Variants in TMEM239 observed in about 807,000 individuals in gnomAD.
TMEM239 encodes transmembrane protein 239.
TMEM239 carries 10 observed loss-of-function variants against 14.6 expected under a neutral mutation model. The ratio of observed to expected loss-of-function variants is 0.68; its 90% CI spans 0.42 to 1.16. TMEM239 has a LOEUF of 1.16. TMEM239 is among the 50% of genes most tolerant of loss of function. The probability of loss-of-function intolerance (pLI) is 0.00; values close to 1 mark genes in which losing one functional copy is unlikely to be tolerated. For missense variants in TMEM239, 183 were observed against 194.4 expected, an observed-to-expected ratio of 0.94 and a Z score of 0.35; for synonymous variants, 94 against 89.9, an observed-to-expected ratio of 1.05 and a Z score of -0.26.
In TMEM239 at chr20:2,817,236, C is replaced by G. The variant is rs1014562856; in HGVS notation, c.*223C>G. On this transcript the variant is annotated 3_prime_UTR_variant, in exon 2 of 2. Coordinates refer to ENST00000380585, the MANE Select transcript of TMEM239 (RefSeq NM_001167670.3). ...GGGGCTTTGAGAAGAGGGGGCAAGA[C>G]AGATGGCTTAGCCATTGGTGAAAAT... 6 of 632,416 alleles carry G rather than the reference C, an allele frequency of 9.5e-6. No homozygotes were observed. Among genetic ancestry groups the G allele is most frequent in the Admixed American group, 8.9e-5 (3 of 33,850 alleles). The allele number at this position is 632,416 out of a possible 1,614,324, so 39.2% of individuals were successfully genotyped here.
chr20:2,815,882 C>A, upstream of TMEM239: 1 of 908,384 alleles, frequency 1.1e-6, no homozygotes, highest in Non-Finnish European at 1.7e-6. Context: ...ATACCCCTTT[C>A]TTCCCAGCCT....
At position 2,817,337 on chromosome 20, in the gene TMEM239, TTGGC is replaced by T; in HGVS notation, c.*325_*328del. The T allele has an allele frequency of 1.0e-4, 51 of 501,818 alleles. No homozygotes were observed. Among genetic ancestry groups the T allele is most frequent in the Admixed American group, 3.2e-4 (9 of 27,994 alleles). 31.1% of individuals were successfully genotyped at this position (501,818 alleles called of 1,614,324 possible). On this transcript the variant is annotated 3_prime_UTR_variant, in exon 2 of 2. Coordinates refer to ENST00000380585, the MANE Select transcript of TMEM239 (RefSeq NM_001167670.3). ...ATGTGATGATACCCGTGGGGCCCCCTTGGCAACTGACAGCATCTTTTTCTCATAG... is the reference window on the plus strand; with the variant it reads ...ATGTGATGATACCCGTGGGGCCCCCTAACTGACAGCATCTTTTTCTCATAG...
At position 2,816,998 on chromosome 20, in the gene TMEM239, G is replaced by A. The variant is rs6115683; in HGVS notation, c.444G>A (p.Gln148=). The change falls in exon 2 of 2, where the codon CAG becomes CAA. Residue 148 remains glutamine, a synonymous_variant. Transcript: ENST00000380585. ...LTSMTHPGDT[Q]DLDQ ...CCATGACTCACCCAGGCGACACTCAGGATTTGGATCAATAGAAGGGCAACC... is the reference window on the plus strand; with the variant it reads ...CCATGACTCACCCAGGCGACACTCAAGATTTGGATCAATAGAAGGGCAACC... 1.3e-6 allele frequency: 2 copies of A among 1,537,946 alleles called. No individual in the cohort carries two copies. The highest frequency in any genetic ancestry group is 2.4e-5 in the South Asian group (2 of 84,062).
rs148640817 is a variant in TMEM239, at chr20:2,817,197, G to A, written c.*184G>A. On this transcript the variant is annotated 3_prime_UTR_variant, in exon 2 of 2. Coordinates refer to ENST00000380585, the MANE Select transcript of TMEM239 (RefSeq NM_001167670.3). ...CCTCAAGTCAATGCTGCAGGTTCCT[G>A]GTGTGAGGGGCTGGGGGCTTTGAGA... is the stretch of plus-strand genomic sequence containing the variant. The A allele has an allele frequency of 2.8e-3, 2,123 of 746,124 alleles. 3 individuals carry two copies. The highest frequency in any genetic ancestry group is 4.3e-3 in the Middle Eastern group (12 of 2,790). 46.2% of individuals were successfully genotyped at this position (746,124 alleles called of 1,614,324 possible). A position where few individuals can be genotyped will look rare whatever the true frequency, so the allele number is the denominator to read the frequency against.
At position 2,817,036 on chromosome 20, in the gene TMEM239, C is replaced by T; in HGVS notation, c.*23C>T. ...TAGAAGGGCAACCCCATCCCACTGCCTGTGTCTGTTGAGCCCTGGCCTAGG... is the reference window on the plus strand; with the variant it reads ...TAGAAGGGCAACCCCATCCCACTGCTTGTGTCTGTTGAGCCCTGGCCTAGG... On this transcript the variant is annotated 3_prime_UTR_variant, in exon 2 of 2. Coordinates refer to ENST00000380585, the MANE Select transcript of TMEM239 (RefSeq NM_001167670.3). 6.5e-7 allele frequency: 1 copy of T among 1,537,570 alleles called. No homozygotes were observed. Among genetic ancestry groups the T allele is most frequent in the Non-Finnish European group, 8.7e-7 (1 of 1,146,854 alleles).
downstream of TMEM239, chr20:2,819,916 T>C (rs1262325992): frequency 6.6e-6 from 1 of 152,204 alleles, no homozygotes; most frequent in Non-Finnish European, 1.5e-5. Flanking sequence ...TGATACATTG[T>C]ACCCTGTTTG....
chr20:2,816,578 G>A lies in TMEM239; in HGVS notation c.24G>A (p.Glu8=), dbSNP rs2088674630. The A allele has an allele frequency of 6.5e-7, 1 of 1,535,042 alleles. No individual in the cohort carries two copies. Among genetic ancestry groups the A allele is most frequent in the African/African-American group, 1.4e-5 (1 of 72,654 alleles). Residue 8 remains glutamate (E), a synonymous_variant, in exon 2 of 2, where the codon GAG becomes GAA. Transcript: ENST00000380585. The part of the protein sequence containing the change: MMQQPRV[E]TDTIGAGEGP... ...ACATGATGCAGCAGCCGCGAGTGGA[G>A]ACAGATACCATCGGGGCTGGCGAGG...
At position 2,817,228 on chromosome 20, in the gene TMEM239, G is replaced by T. The variant is rs1029152178; in HGVS notation, c.*215G>T. ...AGGGGCTGGGGGCTTTGAGAAGAGGGGGCAAGACAGATGGCTTAGCCATTG... is the reference window on the plus strand; with the variant it reads ...AGGGGCTGGGGGCTTTGAGAAGAGGTGGCAAGACAGATGGCTTAGCCATTG... On this transcript the variant is annotated 3_prime_UTR_variant, in exon 2 of 2. Transcript: ENST00000380585. 3 of 646,890 alleles carry T rather than the reference G, an allele frequency of 4.6e-6. No individual in the cohort carries two copies. Among genetic ancestry groups the T allele is most frequent in the Middle Eastern group, 4.1e-4 (1 of 2,430 alleles). 40.1% of individuals were successfully genotyped at this position (646,890 alleles called of 1,614,324 possible). A position where few individuals can be genotyped will look rare whatever the true frequency, so the allele number is the denominator to read the frequency against.
chr20:2,816,659 C>G lies in TMEM239; in HGVS notation c.105C>G (p.Arg35=). The G allele has an allele frequency of 6.5e-7, 1 of 1,542,254 alleles. No homozygotes were observed. Among genetic ancestry groups the G allele is most frequent in the Non-Finnish European group, 8.7e-7 (1 of 1,146,206 alleles). ...SAWVTRHGWV[R]WWVSHMPPSW... is the part of the protein sequence containing the mutation. ...GGGTCACGAGGCATGGCTGGGTGCG[C>G]TGGTGGGTGAGCCACATGCCCCCGA... is the stretch of plus-strand genomic sequence containing the variant. The change falls in exon 2 of 2, where the codon CGC becomes CGG. Residue 35 remains arginine, a synonymous_variant. Coordinates refer to ENST00000380585, the MANE Select transcript of TMEM239 (RefSeq NM_001167670.3).
chr20:2,816,417 T>C lies in TMEM239; in HGVS notation c.-12+2T>C. ...CATGACTTAGGTAACTGCCCAGAGG[T>C]AAGTCCCAGTCCCTAATTCTGTAGC... On this transcript the variant is annotated splice_donor_variant, in intron 1 of 1. Transcript: ENST00000380585. LOFTEE classifies it low-confidence loss of function (5UTR_SPLICE). 1 of 1,535,398 alleles carries C rather than the reference T, an allele frequency of 6.5e-7. No homozygotes were observed. Among genetic ancestry groups the C allele is most frequent in the Non-Finnish European group, 8.7e-7 (1 of 1,146,728 alleles).
rs2088692684 is a variant in TMEM239, at chr20:2,817,567, G to C, written c.*554G>C. 3 of 159,972 alleles carry C rather than the reference G, an allele frequency of 1.9e-5. No homozygotes were observed. The highest frequency in any genetic ancestry group is 4.1e-5 in the Non-Finnish European group (3 of 72,782). 9.9% of individuals were successfully genotyped at this position (159,972 alleles called of 1,614,324 possible). On this transcript the variant is annotated 3_prime_UTR_variant, in exon 2 of 2. Coordinates refer to ENST00000380585, the MANE Select transcript of TMEM239 (RefSeq NM_001167670.3). ...TCAACTCACTCGCTCTCCAAACCTT[G>C]CAGCCCACGCATCCTCCTCCCTAGA...
At chr20:2,819,113 A>G (rs1383524730), downstream of TMEM239, 1 of 152,326 alleles carries the variant, frequency 6.6e-6, no homozygotes, top group Non-Finnish European at 1.5e-5. Context: ...AGGATTCAGG[A>G]TCCCATGTGG....
At chr20:2,819,741 A>C (rs2088707630), downstream of TMEM239, 1 of 151,916 alleles carries the variant, frequency 6.6e-6, no homozygotes, top group South Asian at 2.1e-4. Flanking sequence ...GAGTCCGACA[A>C]ACTTTTGTAT....
downstream of TMEM239, chr20:2,819,251 C>A (rs58625759): frequency 0.16 from 24,046 of 152,292 alleles, 2,387 homozygotes; most frequent in East Asian, 0.27. Flanking sequence ...GGGGCCCTGA[C>A]CAGATGCTCT....
At position 2,817,803 on chromosome 20, in the gene TMEM239, G is replaced by A. The variant is rs2088695384; in HGVS notation, c.*790G>A. ...CGTGGGCCACTTCTGTCATGGGGTT[G>A]TTGTGAGTCAAAGACAATATCTATT... On this transcript the variant is annotated 3_prime_UTR_variant, in exon 2 of 2. Transcript: ENST00000380585. 6.6e-6 allele frequency: 1 copy of A among 152,396 alleles called. No individual in the cohort carries two copies. Among genetic ancestry groups the A allele is most frequent in the Non-Finnish European group, 1.5e-5 (1 of 68,072 alleles). 9.4% of individuals were successfully genotyped at this position (152,396 alleles called of 1,614,324 possible).
upstream of TMEM239, chr20:2,815,872 A>AAAGGGG: frequency 9.7e-7 from 1 of 1,033,166 alleles, no homozygotes; most frequent in Non-Finnish European, 1.4e-6. Context: ...AGGTGGGATG[A>AAAGGGG]TACCCCTTTC....
chr20:2,816,262 G>A (rs2088667379), upstream of TMEM239: 2 of 1,387,432 alleles, frequency 1.4e-6, no homozygotes, highest in African/African-American at 2.8e-5. Context: ...ACACCCTACA[G>A]TGACTCCTCT....
chr20:2,816,678 C>G lies in TMEM239; in HGVS notation c.124C>G (p.Pro42Ala), dbSNP rs181978706. 3.3e-4 allele frequency: 514 copies of G among 1,543,048 alleles called. 2 individuals carry two copies. The African/African-American group carries it at 6.3e-3, about 19-fold the overall frequency. The change falls in exon 2 of 2, where the codon CCC (proline) becomes GCC (alanine). Residue 42 changes from proline to alanine, a missense_variant. Coordinates refer to ENST00000380585, the MANE Select transcript of TMEM239 (RefSeq NM_001167670.3). Reference protein sequence around the residue: ...GWVRWWVSHMPPSWIQWWSTS... With the variant: ...GWVRWWVSHMAPSWIQWWSTS... ...GGTGCGCTGGTGGGTGAGCCACATG[C>G]CCCCGAGCTGGATCCAGTGGTGGAG...
chr20:2,817,857 C>A lies in TMEM239; in HGVS notation c.*844C>A, dbSNP rs894694089. 5 of 152,164 alleles carry A rather than the reference C, an allele frequency of 3.3e-5. No individual in the cohort carries two copies. Among genetic ancestry groups the A allele is most frequent in the African/African-American group, 9.7e-5 (4 of 41,440 alleles). 9.4% of individuals were successfully genotyped at this position (152,164 alleles called of 1,614,324 possible). A position where few individuals can be genotyped will look rare whatever the true frequency, so the allele number is the denominator to read the frequency against. ...GAAGCATTTTGTAGAAGCCAAAAAC[C>A]TGTAAGATGTTGTTTTGAGCTCTAA... On this transcript the variant is annotated 3_prime_UTR_variant, in exon 2 of 2. Transcript: ENST00000380585.
Sources: gnomAD v4.1 joint callset for allele counts on GRCh38, gnomAD v4.1.1 for gene constraint, MANE v1.5 for transcripts, NCBI Gene and HGNC (gene_info 2026-07-23, HGNC 2026-07-21) for gene names.